Variants in PIP5K1B observed in about 807,000 individuals in gnomAD.
PIP5K1B encodes phosphatidylinositol-4-phosphate 5-kinase type 1 beta, also known as phosphatidylinositol 4-phosphate 5-kinase type-1 beta.
PIP5K1B carries 42 observed loss-of-function variants against 67.0 expected under a neutral mutation model. That is an observed-to-expected ratio of 0.63 (90% confidence interval 0.49 to 0.81). PIP5K1B has a LOEUF of 0.81. PIP5K1B is among the 30% of genes least tolerant of loss of function. The probability of loss-of-function intolerance (pLI) is 0.00; values close to 1 mark genes in which losing one functional copy is unlikely to be tolerated. For synonymous variants in PIP5K1B, 214 were observed against 231.4 expected, an observed-to-expected ratio of 0.92 and a Z score of 0.68; for missense variants, 459 against 646.3, an observed-to-expected ratio of 0.71 and a Z score of 3.14.
At position 68,863,878 on chromosome 9, in the gene PIP5K1B, A is replaced by C. The variant is rs763528274; in HGVS notation, c.111A>C (p.Ile37=). ...TTAAAGGTGCTATTCAGCTGGGAAT[A>C]GGATACACAGTGGGTAATCTCACTT... is the stretch of plus-strand genomic sequence containing the variant. ...SAIKGAIQLG[I]GYTVGNLTSK... Residue 37 remains isoleucine, a synonymous_variant, in exon 5 of 16, where the codon ATA becomes ATC. Coordinates refer to ENST00000265382, the MANE Select transcript of PIP5K1B (RefSeq NM_003558.4). The C allele has an allele frequency of 2.5e-6, 4 of 1,613,678 alleles. No individual in the cohort carries two copies. The Middle Eastern group carries it at 5.0e-4, about 200-fold the overall frequency.
At chr9:68,760,252 A>C (rs1830122570) in intron 2 of PIP5K1B, among the ~76,000 whole-genome samples, 1 of 152,096 alleles carries the variant, frequency 6.6e-6, no homozygotes, top group Non-Finnish European at 1.5e-5. Flanking sequence ...CAAATCAATA[A>C]CAACTACTCT....
At chr9:68,929,460 A>T (rs1008423434) in intron 12 of PIP5K1B, among the ~76,000 whole-genome samples, 2 of 152,094 alleles carry the variant, frequency 1.3e-5, no homozygotes, top group Admixed American at 6.5e-5. Flanking sequence ...GTCTCTCTTC[A>T]GTTCCTGGTG....
chr9:68,939,072 A>G (rs1439105579), intron 13 of PIP5K1B, among the ~76,000 whole-genome samples: 2 of 152,208 alleles, frequency 1.3e-5, no homozygotes, highest in Non-Finnish European at 2.9e-5. Context: ...ACAGCTCATC[A>G]TGTCTGCAGG....
intron 1 of PIP5K1B, among the ~76,000 whole-genome samples, chr9:68,736,489 A>G (rs1828742341): frequency 6.6e-6 from 1 of 152,154 alleles, no homozygotes; most frequent in Admixed American, 6.5e-5. Context: ...ACTTACCACA[A>G]ATGGAATGGC....
rs1474893290 is a variant in PIP5K1B at position 68,765,083 on chromosome 9, A to G, written c.-86+22426A>G. Among the ~76,000 whole-genome samples, 4 of 152,038 alleles carry G rather than the reference A, an allele frequency of 2.6e-5. No individual in the cohort carries two copies. The East Asian group carries it at 7.7e-4, about 29-fold the overall frequency. On this transcript the variant is annotated intron_variant, in intron 2 of 15. Coordinates refer to ENST00000265382, the MANE Select transcript of PIP5K1B (RefSeq NM_003558.4). ...ATTATCTTGAATTCACTTGCAGGTCATTTGTTCTTAACTGTTTTTTTAAAA... is the reference window on the plus strand; with the variant it reads ...ATTATCTTGAATTCACTTGCAGGTCGTTTGTTCTTAACTGTTTTTTTAAAA...
chr9:68,965,301 T>C (rs1000226046), intron 14 of PIP5K1B, among the ~76,000 whole-genome samples: 4 of 152,152 alleles, frequency 2.6e-5, no homozygotes, highest in African/African-American at 9.7e-5. Flanking sequence ...AAGTCTAAGG[T>C]GAAGATGGGG....
At chr9:68,843,404 A>T (rs1564177411) in intron 4 of PIP5K1B, 1 of 152,188 alleles carries the variant, frequency 6.6e-6, no homozygotes, top group Non-Finnish European at 1.5e-5. Context: ...TCCTTTTTAA[A>T]TTTTTGAAAA....
Position 68,709,869 on chromosome 9 carries a change from C to T in PIP5K1B, c.-243+4107C>T, listed in dbSNP as rs566040309. Among the ~76,000 whole-genome samples the T allele has an allele frequency of 2.6e-4, 39 of 152,244 alleles. 1 individual carries two copies. The highest frequency in any genetic ancestry group is 1.8e-3 in the Admixed American group (27 of 15,292). ...AGGTTGCAGTGAGCTATGATCGCAC[C>T]ACTGTACTCTAGCCTGGGTGACACA... is the stretch of plus-strand genomic sequence containing the variant. On this transcript the variant is annotated intron_variant, in intron 1 of 15. Coordinates refer to ENST00000265382, the MANE Select transcript of PIP5K1B (RefSeq NM_003558.4).
intron 2 of PIP5K1B, among the ~76,000 whole-genome samples, chr9:68,777,894 T>C (rs1830999868): frequency 1.3e-5 from 2 of 152,218 alleles, no homozygotes; most frequent in East Asian, 3.8e-4. Flanking sequence ...TCCTCCTCTC[T>C]CCTGTTTTTA....
chr9:68,824,167 C>A (rs945245972), intron 4 of PIP5K1B: 2 of 518,990 alleles, frequency 3.9e-6, no homozygotes, highest in Admixed American at 3.9e-5. Flanking sequence ...CATGGACCAA[C>A]ACAGAGATGA....
intron 1 of PIP5K1B, among the ~76,000 whole-genome samples, chr9:68,708,427 G>T (rs1827226559): frequency 6.6e-6 from 1 of 152,152 alleles, no homozygotes; most frequent in Non-Finnish European, 1.5e-5. Flanking sequence ...CCTGAAGCTG[G>T]CGGGTACAGA....
At chr9:68,926,373 A>G (rs1826700841) in intron 12 of PIP5K1B, among the ~76,000 whole-genome samples, 1 of 152,124 alleles carries the variant, frequency 6.6e-6, no homozygotes, top group East Asian at 1.9e-4. Flanking sequence ...CAGGTTTTTA[A>G]TGGAACAAGT....
chr9:68,839,785 G>T (rs766886569), intron 4 of PIP5K1B, among the ~76,000 whole-genome samples: 9 of 152,214 alleles, frequency 5.9e-5, no homozygotes, highest in Non-Finnish European at 1.3e-4. Flanking sequence ...AAGAGGAGGA[G>T]AAATGCCAGG....
At chr9:68,861,310 A>G (rs1823057226) in intron 4 of PIP5K1B, among the ~76,000 whole-genome samples, 2 of 152,142 alleles carry the variant, frequency 1.3e-5, no homozygotes, top group Admixed American at 6.5e-5. Context: ...ACAAGAGCAT[A>G]TATTTGGTCC....
intron 12 of PIP5K1B, among the ~76,000 whole-genome samples, chr9:68,923,897 G>A (rs2027206): frequency 0.028 from 4,304 of 152,042 alleles, 196 homozygotes; most frequent in African/African-American, 0.097. Flanking sequence ...GATCACAATG[G>A]AATGAATCAA....
rs766751264 is a variant in PIP5K1B, at chr9:68,940,672, C to G, written c.1384C>G (p.Leu462Val). 1.2e-6 allele frequency: 2 copies of G among 1,614,012 alleles called. No individual in the cohort carries two copies. The highest frequency in any genetic ancestry group is 1.7e-4 in the Middle Eastern group (1 of 6,060). ...CCTGGGATCCCGACACAGGCCAGAC[C>G]TGGTCCCTAGCACTCCATCACTGTT... Reference protein sequence around the residue: ...EALGSRHRPDLVPSTPSLFEA... With the variant: ...EALGSRHRPDVVPSTPSLFEA... Residue 462 changes from leucine (L) to valine (V), a missense_variant, in exon 14 of 16, where the codon CTG (leucine) becomes GTG (valine). Leu to Val is a conservative substitution (Grantham distance 32). Around this residue, in one of 2 missense-constraint regions of PIP5K1B, gnomAD observed 169 missense variants for 171.9 expected, o/e 0.98. Transcript: ENST00000265382.
intron 14 of PIP5K1B, among the ~76,000 whole-genome samples, chr9:68,982,034 G>T (rs1443555200): frequency 6.6e-6 from 1 of 152,198 alleles, no homozygotes. Flanking sequence ...TGTGTGGCTT[G>T]TTGCAAATTA....
At chr9:68,793,965 T>C (rs574941863) in intron 2 of PIP5K1B, among the ~76,000 whole-genome samples, 6 of 152,052 alleles carry the variant, frequency 3.9e-5, no homozygotes, top group East Asian at 3.9e-4. Flanking sequence ...ATCAGAGAGG[T>C]AGGAAAACCA....
chr9:68,740,270 A>T (rs912640038), intron 1 of PIP5K1B, among the ~76,000 whole-genome samples: 3 of 152,236 alleles, frequency 2.0e-5, no homozygotes, highest in Non-Finnish European at 4.4e-5. Flanking sequence ...GGCTGTATAA[A>T]TAGAAGTACT....
Sources: gnomAD v4.1 joint callset for allele counts (sites outside exome capture counted in the v4.1 genomes callset) on GRCh38, gnomAD v4.1.1 for gene constraint, gnomAD v4.1.1 regional missense constraint, MANE v1.5 for transcripts, NCBI Gene and HGNC (gene_info 2026-07-23, HGNC 2026-07-21) for gene names.